KCNK10: variants seen among roughly 807,000 people sequenced by gnomAD.
KCNK10 encodes potassium channel subfamily K member 10.
Under a neutral mutation model 47.7 loss-of-function variants are expected in KCNK10, and 25 were observed. That is an observed-to-expected ratio of 0.52 (90% CI 0.38 to 0.73). The LOEUF is 0.73. KCNK10 is among the 30% of genes least tolerant of loss of function. The pLI is 0.00. For missense variants in KCNK10, 563 were observed against 714.5 expected, an observed-to-expected ratio of 0.79 and a Z score of 2.42; for synonymous variants, 303 against 285.6, an observed-to-expected ratio of 1.06 and a Z score of -0.61.
intron 3 of KCNK10, among the ~76,000 whole-genome samples, chr14:88,229,736 G>A (rs144693550): frequency 9.9e-5 from 15 of 152,234 alleles, no homozygotes; most frequent in South Asian, 4.1e-4. Context: ...TGCCTTTGGT[G>A]AACTATAAGG....
intron 4 of KCNK10, among the ~76,000 whole-genome samples, chr14:88,219,770 T>A (rs1455964470): frequency 6.6e-6 from 1 of 152,192 alleles, no homozygotes; most frequent in Non-Finnish European, 1.5e-5. Context: ...CACAGATTGC[T>A]GAGCTCCAGC....
Position 88,188,115 on chromosome 14 carries a change from A to G in KCNK10, c.869-6T>C. 1 of 1,614,158 alleles carries G rather than the reference A, an allele frequency of 6.2e-7. No individual in the cohort carries two copies. The highest frequency in any genetic ancestry group is 8.5e-7 in the Non-Finnish European group (1 of 1,179,994). On this transcript the variant is annotated splice_region_variant and splice_polypyrimidine_tract_variant and intron_variant, in intron 5 of 6. Transcript: ENST00000319231. ...ATTGATGCCAGCGTTTCCCCCTGAA[A>G]ACAACCAAATGTTACTTTAACCATG...
At chr14:88,205,866 C>T (rs1885258035) in intron 4 of KCNK10, among the ~76,000 whole-genome samples, 1 of 152,092 alleles carries the variant, frequency 6.6e-6, no homozygotes, top group Non-Finnish European at 1.5e-5. Context: ...CTACAGCTGC[C>T]TCCTCTATTT....
chr14:88,231,813 T>C (rs1886167060), intron 3 of KCNK10, among the ~76,000 whole-genome samples: 1 of 152,170 alleles, frequency 6.6e-6, no homozygotes, highest in South Asian at 2.1e-4. Context: ...TGTAAATCTT[T>C]CCATATATCT....
chr14:88,268,040 G>A (rs959085279), intron 1 of KCNK10, among the ~76,000 whole-genome samples: 6 of 152,260 alleles, frequency 3.9e-5, no homozygotes, highest in African/African-American at 2.4e-5. Flanking sequence ...TTTATTAGGG[G>A]GAACGCATGT....
chr14:88,274,230 T>C (rs1887475781), intron 1 of KCNK10, among the ~76,000 whole-genome samples: 1 of 151,612 alleles, frequency 6.6e-6, no homozygotes, highest in Admixed American at 6.6e-5. Context: ...ACTTCTCCCT[T>C]CCCAGCAAAC....
chr14:88,269,021 C>T (rs950358596), intron 1 of KCNK10, among the ~76,000 whole-genome samples: 3 of 152,128 alleles, frequency 2.0e-5, no homozygotes, highest in African/African-American at 7.2e-5. Flanking sequence ...ACCTGTAGTC[C>T]CAGCTACTCG....
chr14:88,275,459 C>A (rs73328087), intron 1 of KCNK10, among the ~76,000 whole-genome samples: 14,508 of 152,024 alleles, frequency 0.095, 1,755 homozygotes, highest in African/African-American at 0.29. Context: ...TAACTCAGGG[C>A]AGGTATCCCA....
chr14:88,268,950 C>T (rs1296437), intron 1 of KCNK10, among the ~76,000 whole-genome samples: 9,819 of 152,244 alleles, frequency 0.064, 423 homozygotes, highest in East Asian at 0.091. Context: ...CCAACCTGGC[C>T]AACATGGTGA....
chr14:88,310,246 A>ATATACCATATCATATGG (rs1888299157), intron 1 of KCNK10, among the ~76,000 whole-genome samples: 3 of 15,674 alleles, frequency 1.9e-4, no homozygotes, highest in Admixed American at 8.0e-4. Flanking sequence ...CATATAAATG[A>ATATACCATATCATATGG]TATGCATTTA....
intron 1 of KCNK10, among the ~76,000 whole-genome samples, chr14:88,287,580 G>A (rs1349424274): frequency 2.0e-5 from 3 of 152,100 alleles, no homozygotes; most frequent in African/African-American, 7.2e-5. Flanking sequence ...TTCCATTCCT[G>A]AGTTACTTCA....
At chr14:88,212,102 T>C (rs1421198754) in intron 4 of KCNK10, among the ~76,000 whole-genome samples, 3 of 102,096 alleles carry the variant, frequency 2.9e-5, no homozygotes, top group Non-Finnish European at 4.2e-5. Flanking sequence ...TACTAACTGA[T>C]AGTGAGAATA....
At chr14:88,220,131 A>C (rs1885749654) in intron 4 of KCNK10, among the ~76,000 whole-genome samples, 1 of 152,150 alleles carries the variant, frequency 6.6e-6, no homozygotes, top group South Asian at 2.1e-4. Context: ...ATTACTATAG[A>C]GCGTGGCCGG....
chr14:88,266,417 C>T (rs1887257959), intron 1 of KCNK10, among the ~76,000 whole-genome samples: 1 of 152,200 alleles, frequency 6.6e-6, no homozygotes, highest in Non-Finnish European at 1.5e-5. Context: ...CAGCCAAAAG[C>T]TACCTCCTCT....
rs116453207 is a variant in KCNK10 at position 88,296,275 on chromosome 14, C to T, written c.52+26472G>A. On this transcript the variant is annotated intron_variant, in intron 1 of 6. Transcript: ENST00000319231. ...GAGCAAAGCCTGAATCCTGGTTCTA[C>T]CATTTCCTAACTGTATGACCTTGGA... Among the ~76,000 whole-genome samples the T allele has an allele frequency of 7.3e-3, 1,110 of 152,292 alleles. 10 individuals are homozygous for T. The highest frequency in any genetic ancestry group is 0.025 in the African/African-American group (1,057 of 41,556).
chr14:88,221,806 C>T (rs990275304), intron 4 of KCNK10, among the ~76,000 whole-genome samples: 6 of 152,184 alleles, frequency 3.9e-5, no homozygotes, highest in Admixed American at 2.0e-4. Context: ...AACAAGATGT[C>T]CTTCAGTAGG....
At chr14:88,249,255 A>G (rs1353598391) in intron 2 of KCNK10, among the ~76,000 whole-genome samples, 1 of 152,272 alleles carries the variant, frequency 6.6e-6, no homozygotes, top group Non-Finnish European at 1.5e-5. Flanking sequence ...TAGAGAAGGA[A>G]GGAAAAATAA....
chr14:88,272,102 C>A lies in KCNK10; in HGVS notation c.53-8551G>T, dbSNP rs116826921. On this transcript the variant is annotated intron_variant, in intron 1 of 6. Coordinates refer to ENST00000319231, the MANE Select transcript of KCNK10 (RefSeq NM_138317.3). Reference sequence around the variant, plus strand: ...CCTCCACAGGAAACACTGGGCAGGGCTCCTAAAAGACAGTCCCTTCTCCAA... The same window carrying A: ...CCTCCACAGGAAACACTGGGCAGGGATCCTAAAAGACAGTCCCTTCTCCAA... Among the ~76,000 whole-genome samples, 488 of 152,196 alleles carry A rather than the reference C, an allele frequency of 3.2e-3. 5 individuals are homozygous for A. Among genetic ancestry groups the A allele is most frequent in the African/African-American group, 0.011 (453 of 41,520 alleles).
intron 2 of KCNK10, among the ~76,000 whole-genome samples, chr14:88,255,733 C>T (rs1227231500): frequency 6.6e-6 from 1 of 151,456 alleles, no homozygotes; most frequent in Non-Finnish European, 1.5e-5. Flanking sequence ...TTGGACCAAC[C>T]TACCCCCAGA....
Sources: allele counts gnomAD v4.1 joint callset (sites outside exome capture counted in the v4.1 genomes callset), GRCh38; gene constraint gnomAD v4.1.1; transcripts MANE v1.5; gene names NCBI Gene and HGNC (gene_info 2026-07-23, HGNC 2026-07-21).